Variants in ST7 observed in about 807,000 individuals in gnomAD.
ST7 encodes suppression of tumorigenicity 7.
ST7 carries 28 observed loss-of-function variants against 78.7 expected under a neutral mutation model. The observed-to-expected ratio is 0.36, with a 90% CI of 0.26 to 0.49. The LOEUF is 0.49. Among genes scored for constraint, ST7 ranks in the 20% least tolerant of loss-of-function variants. The probability of loss-of-function intolerance (pLI) is 0.99; values close to 1 mark genes in which losing one functional copy is unlikely to be tolerated. For synonymous variants in ST7, 247 were observed against 249.6 expected, an observed-to-expected ratio of 0.99 and a Z score of 0.10; for missense variants, 418 against 696.0, an observed-to-expected ratio of 0.60 and a Z score of 4.49.
chr7:116,967,344 C>G (rs183531247), intron 1 of ST7: 3 of 471,166 alleles, frequency 6.4e-6, no homozygotes, highest in African/African-American at 2.0e-5. Flanking sequence ...GCTCCACTTG[C>G]GCTACTCTCA....
chr7:117,078,041 G>A (rs781077423), intron 1 of ST7, among the ~76,000 whole-genome samples: 20 of 152,100 alleles, frequency 1.3e-4, no homozygotes, highest in Non-Finnish European at 2.8e-4. Flanking sequence ...GGTGAAAAGA[G>A]CCTTGTAGTT....
At chr7:117,041,248 A>G (rs1797207886) in intron 1 of ST7, among the ~76,000 whole-genome samples, 1 of 152,218 alleles carries the variant, frequency 6.6e-6, no homozygotes, top group African/African-American at 2.4e-5. Flanking sequence ...CTGAGAATGA[A>G]TGTAATTCTA....
chr7:117,122,448 T>C (rs1803472303), intron 3 of ST7, among the ~76,000 whole-genome samples: 1 of 151,974 alleles, frequency 6.6e-6, no homozygotes, highest in Admixed American at 6.6e-5. Context: ...CTCACTTTTG[T>C]TTGTATTTTT....
intron 12 of ST7, among the ~76,000 whole-genome samples, chr7:117,197,183 C>A (rs1248848859): frequency 6.6e-6 from 1 of 151,988 alleles, no homozygotes; most frequent in Admixed American, 6.6e-5. Flanking sequence ...TATAGGTATG[C>A]GCCCCTACAC....
chr7:117,012,548 T>C (rs948035672), intron 1 of ST7, among the ~76,000 whole-genome samples: 19 of 152,192 alleles, frequency 1.2e-4, no homozygotes, highest in Non-Finnish European at 5.9e-5. Flanking sequence ...ACATATTAGC[T>C]GTTAATACAT....
At chr7:117,113,263 A>G (rs370424151) in intron 2 of ST7, among the ~76,000 whole-genome samples, 18 of 152,362 alleles carry the variant, frequency 1.2e-4, no homozygotes, top group East Asian at 5.8e-4. Context: ...AGTGAAGACT[A>G]GAATTTAAAT....
At chr7:116,991,533 AC>A (rs1794427656) in intron 1 of ST7, among the ~76,000 whole-genome samples, 1 of 152,180 alleles carries the variant, frequency 6.6e-6, no homozygotes. Flanking sequence ...TACCAAGAGA[AC>A]AATATGGGTG....
At chr7:116,984,957 G>A (rs1201680016) in intron 1 of ST7, among the ~76,000 whole-genome samples, 1 of 152,126 alleles carries the variant, frequency 6.6e-6, no homozygotes, top group African/African-American at 2.4e-5. Context: ...ATTTTGGCAG[G>A]TAATTTAGCT....
At chr7:117,067,772 A>G (rs1193623853) in intron 1 of ST7, among the ~76,000 whole-genome samples, 1 of 152,216 alleles carries the variant, frequency 6.6e-6, no homozygotes, top group East Asian at 1.9e-4. Context: ...AAAGACTCAT[A>G]CAATCTTTGT....
chr7:116,958,480 G>C (rs1193222802), intron 1 of ST7: 1 of 318,932 alleles, frequency 3.1e-6, no homozygotes, highest in East Asian at 9.4e-5. Context: ...CATAAAATTG[G>C]ATTTCCCTTC....
At chr7:117,200,818 CTTT>C (rs5886845) in intron 12 of ST7, among the ~76,000 whole-genome samples, 61,398 of 141,424 alleles carry the variant, frequency 0.43, 13,810 homozygotes, top group Middle Eastern at 0.62. Context: ...AAAATGTACT[CTTT>C]TTTTTTTTTT....
chr7:117,121,299 A>G (rs1375559096), intron 3 of ST7, among the ~76,000 whole-genome samples: 1 of 152,180 alleles, frequency 6.6e-6, no homozygotes, highest in Non-Finnish European at 1.5e-5. Flanking sequence ...TTCCTTTCAG[A>G]GAGTGGATGA....
At chr7:117,191,111 A>G (rs1428631084) in intron 12 of ST7, among the ~76,000 whole-genome samples, 175 bp downstream of exon 12, 1 of 152,232 alleles carries the variant, frequency 6.6e-6, no homozygotes, top group Non-Finnish European at 1.5e-5. Context: ...GCTATACTCA[A>G]GAGGCTTTGG....
intron 2 of ST7, among the ~76,000 whole-genome samples, chr7:117,106,002 T>A (rs976615548): frequency 2.0e-5 from 3 of 151,754 alleles, no homozygotes; most frequent in Admixed American, 6.6e-5. Flanking sequence ...GTTTTTGTTT[T>A]TTTTTTTGAG....
At chr7:117,006,209 A>G (rs1795152054) in intron 1 of ST7, among the ~76,000 whole-genome samples, 1 of 152,272 alleles carries the variant, frequency 6.6e-6, no homozygotes, top group African/African-American at 2.4e-5. Flanking sequence ...TGGAAATAGT[A>G]AAGCTTTCAA....
chr7:117,090,128 A>G (rs1217114292), intron 1 of ST7, among the ~76,000 whole-genome samples: 3 of 152,166 alleles, frequency 2.0e-5, no homozygotes, highest in Non-Finnish European at 2.9e-5. Flanking sequence ...GTCTTGCTAT[A>G]TGAGGATAAT....
At chr7:117,072,544 G>T (rs748851729) in intron 1 of ST7, 1 of 152,092 alleles carries the variant, frequency 6.6e-6, no homozygotes, top group African/African-American at 2.4e-5. Flanking sequence ...TGTACTTACT[G>T]TCATTTTCCC....
At chr7:117,136,378 T>G (rs1804793779) in intron 8 of ST7, 143 bp downstream of exon 8, 1 of 992,876 alleles carries the variant, frequency 1.0e-6, no homozygotes, top group Non-Finnish European at 1.5e-6. Context: ...TTAATTTTCT[T>G]CTTTCCTATA....
intron 9 of ST7, chr7:117,145,573 CTGTG>C (rs372316360): frequency 6.6e-6 from 1 of 151,958 alleles, no homozygotes; most frequent in Non-Finnish European, 1.5e-5. Context: ...GGCTTTCTCC[CTGTG>C]TGTGTGTGTT....
Sources: gnomAD v4.1 joint callset for allele counts (sites outside exome capture counted in the v4.1 genomes callset) on GRCh38, gnomAD v4.1.1 for gene constraint, MANE v1.5 for transcripts, NCBI Gene and HGNC (gene_info 2026-07-23, HGNC 2026-07-21) for gene names.